Variants in ADAMTS19 observed in about 807,000 individuals in gnomAD.
ADAMTS19 encodes A disintegrin and metalloproteinase with thrombospondin motifs 19.
Under a neutral mutation model 153.3 loss-of-function variants are expected in ADAMTS19, and 93 were observed. The observed-to-expected ratio is 0.61, with a 90% confidence interval of 0.51 to 0.72. The LOEUF is 0.72. ADAMTS19 is among the 30% of genes least tolerant of loss of function. The pLI is 0.00. For synonymous variants in ADAMTS19, 600 were observed against 556.6 expected, an observed-to-expected ratio of 1.08 and a Z score of -1.10; for missense variants, 1,482 against 1,552.1, an observed-to-expected ratio of 0.95 and a Z score of 0.76.
At chr5:129,550,872 A>G (rs567298587) in intron 6 of ADAMTS19, among the ~76,000 whole-genome samples, 21 of 151,818 alleles carry the variant, frequency 1.4e-4, no homozygotes, top group African/African-American at 5.1e-4. Flanking sequence ...GCTTATTGCT[A>G]AGAAGTTGCT....
chr5:129,517,253 T>A, intron 3 of ADAMTS19, among the ~76,000 whole-genome samples: 1 of 152,004 alleles, frequency 6.6e-6, no homozygotes, highest in Non-Finnish European at 1.5e-5. Context: ...AGAATGGTAT[T>A]CTGCAGCTCT....
At chr5:129,726,969 C>T (rs946814702) in intron 21 of ADAMTS19, among the ~76,000 whole-genome samples, 1 of 152,074 alleles carries the variant, frequency 6.6e-6, no homozygotes, top group African/African-American at 2.4e-5. Flanking sequence ...GTCTGTTTTG[C>T]TTACTATTAC....
intron 14 of ADAMTS19, among the ~76,000 whole-genome samples, chr5:129,657,261 C>T (rs551262936): frequency 9.2e-5 from 14 of 152,256 alleles, no homozygotes; most frequent in South Asian, 4.1e-4. Flanking sequence ...ATTCATCCTG[C>T]GGCTGCATTT....
intron 6 of ADAMTS19, among the ~76,000 whole-genome samples, chr5:129,532,960 A>T (rs949193555): frequency 2.3e-4 from 35 of 152,158 alleles, no homozygotes; most frequent in Admixed American, 1.5e-3. Flanking sequence ...AAAGTTAGGC[A>T]GGCGTGGTGG....
At chr5:129,546,462 T>C (rs1289267907) in intron 6 of ADAMTS19, among the ~76,000 whole-genome samples, 2 of 150,468 alleles carry the variant, frequency 1.3e-5, no homozygotes, top group African/African-American at 5.0e-5. Flanking sequence ...GACTGTAGAA[T>C]TATAAAGACG....
At chr5:129,466,914 G>C (rs1196506078) in intron 2 of ADAMTS19, among the ~76,000 whole-genome samples, 1 of 152,104 alleles carries the variant, frequency 6.6e-6, no homozygotes, top group Non-Finnish European at 1.5e-5. Flanking sequence ...TAAAGACATG[G>C]AAAGCAGTTT....
chr5:129,464,964 A>G (rs114137732), intron 2 of ADAMTS19, among the ~76,000 whole-genome samples: 1,538 of 152,316 alleles, frequency 0.01, 14 homozygotes, highest in Non-Finnish European at 0.016. Context: ...TTCCAGATAT[A>G]GAGAATACAA....
intron 8 of ADAMTS19, among the ~76,000 whole-genome samples, chr5:129,612,763 G>A (rs1256553703): frequency 6.6e-6 from 1 of 152,024 alleles, no homozygotes; most frequent in Non-Finnish European, 1.5e-5. Context: ...AAAGAGTCAA[G>A]ACCCATCAGT....
At chr5:129,590,613 A>G (rs1011948350) in intron 7 of ADAMTS19, among the ~76,000 whole-genome samples, 1 of 152,228 alleles carries the variant, frequency 6.6e-6, no homozygotes, top group East Asian at 1.9e-4. Context: ...TTTTAAAAAT[A>G]GAAATTAACT....
chr5:129,665,522 C>T lies in ADAMTS19; in HGVS notation c.2449C>T (p.Pro817Ser). 6.2e-7 allele frequency: 1 copy of T among 1,610,106 alleles called. No homozygotes were observed. The highest frequency in any genetic ancestry group is 2.2e-5 in the East Asian group (1 of 44,696). The change falls in exon 16 of 23, where the codon CCT (proline) becomes TCT (serine). Residue 817 changes from proline to serine, a missense_variant. Pro to Ser is a moderately conservative substitution (Grantham distance 74, BLOSUM62 -1). This residue lies in a region of ADAMTS19 where 616 missense variants were observed against 724.4 expected (regional missense o/e 0.85). Coordinates refer to ENST00000274487, the MANE Select transcript of ADAMTS19 (RefSeq NM_133638.6). The part of the protein sequence containing the change: ...GAGYVEVLVI[P>S]AGARRIKVVE... ...AGGTTATGTAGAAGTGCTGGTGATA[C>T]CTGCTGGAGCAAGAAGAATCAAAGT...
intron 10 of ADAMTS19, among the ~76,000 whole-genome samples, chr5:129,635,779 T>A (rs80076582): frequency 0.038 from 5,775 of 152,230 alleles, 342 homozygotes; most frequent in African/African-American, 0.13. Context: ...GAAAAATATT[T>A]AATGGGTTCT....
In ADAMTS19 at chr5:129,679,897, T is replaced by A. The variant is rs749303960; in HGVS notation, c.2640T>A (p.Pro880=). 6.2e-7 allele frequency: 1 copy of A among 1,613,878 alleles called. No individual in the cohort carries two copies. Among genetic ancestry groups the A allele is most frequent in the Non-Finnish European group, 8.5e-7 (1 of 1,179,926 alleles). The change falls in exon 17 of 23, where the codon CCT becomes CCA. Residue 880 remains proline (P), a synonymous_variant. Transcript: ENST00000274487. ...GLWEKISAKG[P]TTAPLHLLVL... ...GGGAGAAGATCTCTGCCAAAGGTCC[T>A]ACTACAGCACCTTTACATCTTCTGG...
rs2126724951 is a variant in ADAMTS19, at chr5:129,508,967, GA to G, written c.748-108del. 5.9e-6 allele frequency: 5 copies of G among 852,736 alleles called. No homozygotes were observed. The East Asian group carries it at 1.4e-4, about 24-fold the overall frequency. 52.8% of individuals were successfully genotyped at this position (852,736 alleles called of 1,614,324 possible). A position where few individuals can be genotyped will look rare whatever the true frequency, so the allele number is the denominator to read the frequency against. On this transcript the variant is annotated intron_variant, in intron 2 of 22. Coordinates refer to ENST00000274487, the MANE Select transcript of ADAMTS19 (RefSeq NM_133638.6). The stretch of plus-strand genomic sequence containing the variant: ...TGGGGTTGCTAAGTTAGTTTCACTA[GA>G]AGACTGTATGCATGTTTGTTAACAA...
chr5:129,555,718 A>G (rs993096025), intron 7 of ADAMTS19, among the ~76,000 whole-genome samples: 2 of 152,212 alleles, frequency 1.3e-5, no homozygotes, highest in African/African-American at 4.8e-5. Flanking sequence ...TCCCAGAATC[A>G]CTGATAGTAA....
chr5:129,504,957 C>T (rs1371996353), intron 2 of ADAMTS19, among the ~76,000 whole-genome samples: 6 of 151,384 alleles, frequency 4.0e-5, no homozygotes, highest in African/African-American at 9.7e-5. Flanking sequence ...TTCCACATAT[C>T]GACTGTTGTT....
At chr5:129,630,450 A>T (rs1752237137) in intron 10 of ADAMTS19, among the ~76,000 whole-genome samples, 1 of 152,074 alleles carries the variant, frequency 6.6e-6, no homozygotes, top group African/African-American at 2.4e-5. Context: ...GAGTCCAATT[A>T]TAGACTCTCA....
chr5:129,557,504 G>A (rs1239754201), intron 7 of ADAMTS19, among the ~76,000 whole-genome samples: 1 of 152,122 alleles, frequency 6.6e-6, no homozygotes, highest in Non-Finnish European at 1.5e-5. Context: ...GGAGGCTGAG[G>A]CAGGATGATC....
At position 129,479,221 on chromosome 5, in the gene ADAMTS19, A is replaced by T. The variant is rs10056506; in HGVS notation, c.747+17464A>T. Among the ~76,000 whole-genome samples, 1,461 of 152,332 alleles carry T rather than the reference A, an allele frequency of 9.6e-3. 24 individuals carry two copies. Among genetic ancestry groups the T allele is most frequent in the African/African-American group, 0.034 (1,421 of 41,580 alleles). On this transcript the variant is annotated intron_variant, in intron 2 of 22. Coordinates refer to ENST00000274487, the MANE Select transcript of ADAMTS19 (RefSeq NM_133638.6). ...ATTATTTATCAGAGATATATAACACATTCACATCATTTTAATCCTTTGATC... is the reference window on the plus strand; with the variant it reads ...ATTATTTATCAGAGATATATAACACTTTCACATCATTTTAATCCTTTGATC...
intron 10 of ADAMTS19, among the ~76,000 whole-genome samples, chr5:129,628,891 C>T (rs146749712): frequency 3.9e-5 from 6 of 152,172 alleles, no homozygotes; most frequent in South Asian, 2.1e-4. Flanking sequence ...ATCATTTAGG[C>T]TTGTGTAAGT....
Sources: gnomAD v4.1 joint callset for allele counts (sites outside exome capture counted in the v4.1 genomes callset) on GRCh38, gnomAD v4.1.1 for gene constraint, gnomAD v4.1.1 regional missense constraint, MANE v1.5 for transcripts, NCBI Gene and HGNC (gene_info 2026-07-23, HGNC 2026-07-21) for gene names.